Variants in DACH2 observed in about 807,000 individuals in gnomAD.
The protein encoded by DACH2 is dachshund homolog 2.
In DACH2, 17 loss-of-function variants were observed where a neutral mutation model predicts 35.8. That is an observed-to-expected ratio of 0.48 (90% CI 0.33 to 0.71). DACH2 has a LOEUF of 0.71. Ranked by LOEUF, DACH2 falls within the 30% of genes least tolerant of loss-of-function variation. DACH2 has a pLI of 0.02. For synonymous variants in DACH2, 195 were observed against 177.3 expected (o/e 1.10, Z -0.79); for missense variants, 469 against 472.7 (o/e 0.99, Z 0.07).
At chrX:86,585,787 C>T (rs1178884546) in intron 3 of DACH2, among the ~76,000 whole-genome samples, 4 of 111,235 alleles carry the variant, frequency 3.6e-5, no homozygotes, top group Non-Finnish European at 7.6e-5. Context: ...TGTATATGTA[C>T]CACACTTTCA....
At chrX:86,264,382 G>C (rs181193909) in intron 1 of DACH2, among the ~76,000 whole-genome samples, 413 of 111,785 alleles carry the variant, frequency 3.7e-3, no homozygotes, top group Admixed American at 5.6e-3. Flanking sequence ...ACACATATTT[G>C]CATACACTTA....
chrX:86,293,662 T>C (rs1374449663), intron 1 of DACH2, among the ~76,000 whole-genome samples: 10 of 110,783 alleles, frequency 9.0e-5, no homozygotes, highest in Admixed American at 1.9e-4. Flanking sequence ...GTAAAGTATT[T>C]TATTTCTCCT....
chrX:86,739,434 A>G (rs1301787427), intron 6 of DACH2, among the ~76,000 whole-genome samples: 1 of 111,236 alleles, frequency 9.0e-6, no homozygotes, highest in Non-Finnish European at 1.9e-5. Context: ...TACAATAACA[A>G]TAACCTTCAA....
chrX:86,249,050 C>A (rs189438347), intron 1 of DACH2, among the ~76,000 whole-genome samples: 1 of 111,282 alleles, frequency 9.0e-6, no homozygotes, highest in East Asian at 2.8e-4. Context: ...ACACAAAAAT[C>A]AACACAAAAT....
intron 1 of DACH2, among the ~76,000 whole-genome samples, chrX:86,163,801 C>T (rs773673728): frequency 2.7e-5 from 3 of 111,459 alleles, no homozygotes; most frequent in Non-Finnish European, 5.7e-5. Context: ...GTATATGTAT[C>T]ACTTTTTTTT....
intron 3 of DACH2, among the ~76,000 whole-genome samples, chrX:86,573,456 G>C (rs1334682813): frequency 9.0e-6 from 1 of 111,502 alleles, no homozygotes; most frequent in African/African-American, 3.3e-5. Flanking sequence ...ATGATGTGAA[G>C]AAATTCAAAG....
intron 3 of DACH2, among the ~76,000 whole-genome samples, chrX:86,638,688 C>G (rs58564646): frequency 1.8e-5 from 2 of 111,955 alleles, no homozygotes; most frequent in African/African-American, 6.5e-5. Context: ...CAGACAAATT[C>G]AAATTAATAC....
Position 86,148,533 on chromosome X carries a change from G to T in DACH2, c.-88G>T. On this transcript the variant is annotated 5_prime_UTR_variant, in exon 1 of 12. Coordinates refer to ENST00000373125, the MANE Select transcript of DACH2 (RefSeq NM_053281.3). ...CCAGCGAGAGCGCGCCAGAGAGAGC[G>T]AGAGTGAGGGAGTGAGTGCGAGGGG... is the stretch of plus-strand genomic sequence containing the variant. The T allele has an allele frequency of 9.9e-7, 1 of 1,012,346 alleles. No individual in the cohort carries two copies. The highest frequency in any genetic ancestry group is 1.3e-6 in the Non-Finnish European group (1 of 762,825). 83.4% of individuals were successfully genotyped at this position (1,012,346 alleles called of 1,213,427 possible).
chrX:86,378,783 C>A (rs1020437130), intron 2 of DACH2, among the ~76,000 whole-genome samples: 1 of 110,495 alleles, frequency 9.1e-6, no homozygotes, highest in Non-Finnish European at 1.9e-5. Flanking sequence ...GCACCTGAAG[C>A]CTTTGATCAT....
intron 1 of DACH2, among the ~76,000 whole-genome samples, chrX:86,342,671 G>A (rs778384729): frequency 1.0e-3 from 111 of 108,958 alleles, no homozygotes; most frequent in Non-Finnish European, 1.5e-3. Flanking sequence ...GCCAGGCATG[G>A]TGGTGCACAC....
intron 3 of DACH2, among the ~76,000 whole-genome samples, chrX:86,580,679 A>G (rs1168655710): frequency 8.9e-6 from 1 of 112,069 alleles, no homozygotes; most frequent in Non-Finnish European, 1.9e-5. Context: ...TCGGTCAGAT[A>G]AAACTAAAGA....
At chrX:86,761,278 A>G (rs768002970) in intron 7 of DACH2, among the ~76,000 whole-genome samples, 95 of 110,723 alleles carry the variant, frequency 8.6e-4, no homozygotes, top group Non-Finnish European at 1.5e-3. Context: ...CCCACTTATG[A>G]GTGAGAACAT....
intron 3 of DACH2, among the ~76,000 whole-genome samples, chrX:86,517,776 T>C (rs1480687388): frequency 2.7e-5 from 3 of 111,804 alleles, no homozygotes; most frequent in Admixed American, 9.5e-5. Context: ...TTAAAGTTTC[T>C]TATAGATGCT....
intron 1 of DACH2, among the ~76,000 whole-genome samples, chrX:86,233,811 C>G (rs2033000274): frequency 8.9e-6 from 1 of 111,996 alleles, no homozygotes; most frequent in South Asian, 3.7e-4. Context: ...GAGGAAGATG[C>G]AAAAGCAGAA....
At chrX:86,743,218 G>A (rs1313963258) in intron 7 of DACH2, among the ~76,000 whole-genome samples, 3 of 111,154 alleles carry the variant, frequency 2.7e-5, no homozygotes, top group Non-Finnish European at 5.7e-5. Context: ...CTGGAATACT[G>A]ATAGATATGA....
intron 2 of DACH2, among the ~76,000 whole-genome samples, chrX:86,395,952 G>A (rs925307347): frequency 9.0e-6 from 1 of 111,514 alleles, no homozygotes; most frequent in African/African-American, 3.3e-5. Flanking sequence ...AGATCCCTGA[G>A]GAATCACCAC....
chrX:86,654,201 A>C (rs983386875), intron 4 of DACH2, among the ~76,000 whole-genome samples: 39 of 106,802 alleles, frequency 3.7e-4, no homozygotes, highest in African/African-American at 1.3e-3. Context: ...AAAAAAAAAA[A>C]AAAAAAAAAA....
At chrX:86,739,903 A>C in intron 7 of DACH2, 21 bp downstream of exon 7, 1 of 1,165,563 alleles carries the variant, frequency 8.6e-7, no homozygotes, top group Non-Finnish European at 1.1e-6. Flanking sequence ...TTTCTGAAAC[A>C]GGTAATTGGA....
chrX:86,776,458 C>A (rs143140295), intron 7 of DACH2, among the ~76,000 whole-genome samples: 3,446 of 111,861 alleles, frequency 0.031, 128 homozygotes, highest in African/African-American at 0.11. Flanking sequence ...TTCCATAGTA[C>A]CACATATAGT....
Sources: allele counts gnomAD v4.1 joint callset (sites outside exome capture counted in the v4.1 genomes callset), GRCh38; gene constraint gnomAD v4.1.1; transcripts MANE v1.5; gene names NCBI Gene and HGNC (gene_info 2026-07-23, HGNC 2026-07-21).